CAMKMT: variants seen among roughly 807,000 people sequenced by gnomAD.
CAMKMT encodes the protein CaM KMT.
In CAMKMT, 53 loss-of-function variants were observed where a neutral mutation model predicts 48.0. The observed-to-expected ratio is 1.10, with a 90% CI of 0.89 to 1.39. The LOEUF is 1.39. CAMKMT is among the 40% of genes most tolerant of loss of function. The pLI is 0.00. For synonymous variants in CAMKMT, 165 were observed against 152.3 expected (o/e 1.08, Z -0.61); for missense variants, 428 against 402.7 (o/e 1.06, Z -0.54).
At chr2:44,757,600 G>A (rs1284890742) in intron 9 of CAMKMT, among the ~76,000 whole-genome samples, 1 of 146,194 alleles carries the variant, frequency 6.8e-6, no homozygotes, top group Non-Finnish European at 1.5e-5. Context: ...GTCTCGCTCT[G>A]TCACCCAGGC....
chr2:44,677,813 A>G (rs1420210135), intron 3 of CAMKMT, among the ~76,000 whole-genome samples: 1 of 152,102 alleles, frequency 6.6e-6, no homozygotes, highest in African/African-American at 2.4e-5. Context: ...CTCCATTCCA[A>G]TCTCCTTGCT....
intron 3 of CAMKMT, among the ~76,000 whole-genome samples, chr2:44,698,237 C>T (rs1022822571): frequency 2.6e-5 from 4 of 152,184 alleles, no homozygotes; most frequent in Admixed American, 2.6e-4. Flanking sequence ...TACTCATTGG[C>T]AGTCATGCTC....
chr2:44,362,079 C>T lies in CAMKMT; in HGVS notation c.72C>T (p.Gly24=). 1 of 1,454,648 alleles carries T rather than the reference C, an allele frequency of 6.9e-7. No homozygotes were observed. The highest frequency in any genetic ancestry group is 1.5e-5 in the African/African-American group (1 of 66,596). The allele number at this position is 1,454,648 out of a possible 1,614,324, so 90.1% of individuals were successfully genotyped here. Residue 24 remains glycine, a synonymous_variant, in exon 1 of 11, where the codon GGC becomes GGT. Coordinates refer to ENST00000378494, the MANE Select transcript of CAMKMT (RefSeq NM_024766.5). ...CAGCGGGCGGGAGTCCGGCAGTTGG[C>T]TGCACCACTCGGGGGCCCGTAGTCT... ...ARAAGGSPAV[G]CTTRGPVVSA...
In CAMKMT at chr2:44,729,023, T is replaced by TA. The variant is rs58088335; in HGVS notation, c.623+13681dup. Among the ~76,000 whole-genome samples the TA allele has an allele frequency of 2.6e-3, 385 of 146,742 alleles. 1 individual carries two copies. The highest frequency in any genetic ancestry group is 4.5e-3 in the African/African-American group (179 of 40,022). On this transcript the variant is annotated intron_variant, in intron 7 of 10. Coordinates refer to ENST00000378494, the MANE Select transcript of CAMKMT (RefSeq NM_024766.5). Reference sequence around the variant, plus strand: ...CAATACAACATGTCTTTTGTTTTTTTAAAAAAAAAAAGCCATTTCAGTAGT... The same window carrying TA: ...CAATACAACATGTCTTTTGTTTTTTTAAAAAAAAAAAAGCCATTTCAGTAGT...
intron 3 of CAMKMT, chr2:44,631,594 C>A: frequency 1.9e-6 from 1 of 531,634 alleles, no homozygotes; most frequent in South Asian, 3.1e-5. Flanking sequence ...AGCCACTGCT[C>A]CCAGCTGTGT....
At chr2:44,410,585 A>G (rs867089944) in intron 3 of CAMKMT, among the ~76,000 whole-genome samples, 1 of 152,170 alleles carries the variant, frequency 6.6e-6, no homozygotes, top group South Asian at 2.1e-4. Context: ...TTCCAAATCT[A>G]TTGAAAGCCC....
chr2:44,723,607 C>CATACATAA (rs1313835999), intron 7 of CAMKMT: 11 of 134,236 alleles, frequency 8.2e-5, no homozygotes, highest in South Asian at 2.5e-4. Flanking sequence ...TAAATACATA[C>CATACATAA]ATAAATAAAT....
At chr2:44,598,976 G>C (rs911438783) in intron 3 of CAMKMT, among the ~76,000 whole-genome samples, 1 of 151,876 alleles carries the variant, frequency 6.6e-6, no homozygotes, top group South Asian at 2.1e-4. Context: ...TAGCATTTTT[G>C]TCTGTGCAGG....
At chr2:44,525,144 G>T (rs1671337950) in intron 3 of CAMKMT, among the ~76,000 whole-genome samples, 2 of 152,102 alleles carry the variant, frequency 1.3e-5, no homozygotes, top group Non-Finnish European at 2.9e-5. Context: ...TTATAGGTTA[G>T]ATGACACAAA....
At chr2:44,512,665 C>T (rs1398780664) in intron 3 of CAMKMT, among the ~76,000 whole-genome samples, 3 of 152,184 alleles carry the variant, frequency 2.0e-5, no homozygotes, top group Admixed American at 2.0e-4. Context: ...ATTGGAAGGC[C>T]AGCTGGTTAA....
Position 44,413,244 on chromosome 2 carries a change from A to G in CAMKMT, c.376+22939A>G, listed in dbSNP as rs905529335. On this transcript the variant is annotated intron_variant, in intron 3 of 10. Coordinates refer to ENST00000378494, the MANE Select transcript of CAMKMT (RefSeq NM_024766.5). ...CCTATACATTAAAGTCACAGTGTACATTGTTTCTCTGCTTGATTTCTCCTC... is the reference window on the plus strand; with the variant it reads ...CCTATACATTAAAGTCACAGTGTACGTTGTTTCTCTGCTTGATTTCTCCTC... Among the ~76,000 whole-genome samples, 34 of 152,240 alleles carry G rather than the reference A, an allele frequency of 2.2e-4. 1 individual carries two copies. Among genetic ancestry groups the G allele is most frequent in the Admixed American group, 2.0e-3 (30 of 15,276 alleles).
intron 3 of CAMKMT, among the ~76,000 whole-genome samples, chr2:44,443,733 A>G (rs1323317778): frequency 2.0e-5 from 3 of 152,128 alleles, no homozygotes; most frequent in Non-Finnish European, 4.4e-5. Flanking sequence ...AAATTAGACT[A>G]TGGGGTGTGC....
At chr2:44,671,241 CA>C (rs1326642152) in intron 3 of CAMKMT, among the ~76,000 whole-genome samples, 3 of 151,958 alleles carry the variant, frequency 2.0e-5, no homozygotes, top group Non-Finnish European at 4.4e-5. Flanking sequence ...TTTTTTCCTT[CA>C]AAATTGCACT....
At chr2:44,462,490 T>G (rs1667899049) in intron 3 of CAMKMT, among the ~76,000 whole-genome samples, 1 of 152,178 alleles carries the variant, frequency 6.6e-6, no homozygotes, top group African/African-American at 2.4e-5. Flanking sequence ...ACTCTGTTGT[T>G]TGGATTTATG....
intron 3 of CAMKMT, among the ~76,000 whole-genome samples, chr2:44,413,104 A>T (rs1683322303): frequency 6.6e-6 from 1 of 151,828 alleles, no homozygotes; most frequent in African/African-American, 2.4e-5. Flanking sequence ...TAAATTAAAT[A>T]AATAAATAAA....
chr2:44,633,287 G>T (rs1283812854), intron 3 of CAMKMT, among the ~76,000 whole-genome samples: 1 of 152,000 alleles, frequency 6.6e-6, no homozygotes, highest in Non-Finnish European at 1.5e-5. Context: ...TCTGCTTTGG[G>T]TTTGCTGGCC....
At chr2:44,419,194 TA>T (rs1482181915) in intron 3 of CAMKMT, among the ~76,000 whole-genome samples, 4 of 152,188 alleles carry the variant, frequency 2.6e-5, no homozygotes, top group African/African-American at 9.6e-5. Context: ...GCTAAGGTGC[TA>T]AATATGAATT....
intron 3 of CAMKMT, among the ~76,000 whole-genome samples, chr2:44,538,680 C>G (rs1666917515): frequency 6.6e-6 from 1 of 152,040 alleles, no homozygotes. Flanking sequence ...ATATATACTG[C>G]TAGGGTGATG....
chr2:44,411,466 T>C (rs1683199121), intron 3 of CAMKMT, among the ~76,000 whole-genome samples: 2 of 152,264 alleles, frequency 1.3e-5, no homozygotes, highest in Non-Finnish European at 2.9e-5. Context: ...ATGTTATCTC[T>C]AGATTTTAGC....
Sources: gnomAD v4.1 joint callset for allele counts (sites outside exome capture counted in the v4.1 genomes callset) on GRCh38, gnomAD v4.1.1 for gene constraint, MANE v1.5 for transcripts, NCBI Gene and HGNC (gene_info 2026-07-23, HGNC 2026-07-21) for gene names.